Variants in NFIX observed in about 807,000 individuals in gnomAD.
NFIX encodes nuclear factor 1 X-type.
A neutral mutation model predicts 53.3 loss-of-function variants in NFIX; 2 were observed. That is an observed-to-expected ratio of 0.04 (90% CI 0.02 to 0.12). NFIX has a LOEUF of 0.12. NFIX is among the 10% of genes least tolerant of loss of function. The pLI, the probability that NFIX is intolerant of heterozygous loss-of-function variation, is 1.00. For synonymous variants in NFIX, 244 were observed against 289.0 expected (o/e 0.84, Z 1.58); for missense variants, 310 against 674.5 (o/e 0.46, Z 5.99).
In NFIX at chr19:13,051,112, G is replaced by A. The variant is rs192817398; in HGVS notation, c.560-21935G>A. 6.6e-6 allele frequency among the ~76,000 whole-genome samples: 1 copy of A among 152,354 alleles called. No homozygotes were observed. Among genetic ancestry groups the A allele is most frequent in the East Asian group, 1.9e-4 (1 of 5,182 alleles). ...AGGATAGTAGCAGGGGAGCCACGGAGTAGCTGCCCCATGGCTTGGGTACTG... is the reference window on the plus strand; with the variant it reads ...AGGATAGTAGCAGGGGAGCCACGGAATAGCTGCCCCATGGCTTGGGTACTG... On this transcript the variant is annotated intron_variant, in intron 2 of 10. Coordinates refer to ENST00000592199, the MANE Select transcript of NFIX (RefSeq NM_001365902.3). The surrounding 1 kb of genome is among the most constrained non-coding windows in gnomAD (Gnocchi z 5.1).
chr19:12,996,136 C>CGTGTACGTGTGTGT lies in NFIX; in HGVS notation c.27+277_27+290dup, dbSNP rs1256970525. ...TGCCCGTGGAGCGCAGGCGGGAGTG[C>CGTGTACGTGTGTGT]GTGTACGTGTGTGTGTGTGTGTGTG... On this transcript the variant is annotated intron_variant, in intron 1 of 10. Coordinates refer to ENST00000592199, the MANE Select transcript of NFIX (RefSeq NM_001365902.3). This position sits in a 1 kb window ranked among gnomAD's most constrained non-coding sequence, Gnocchi z 5.2. 5.4e-5 allele frequency among the ~76,000 whole-genome samples: 7 copies of CGTGTACGTGTGTGT among 128,938 alleles called. No individual in the cohort carries two copies. The highest frequency in any genetic ancestry group is 4.7e-4 in the Admixed American group (6 of 12,716). The allele number at this position is 128,938 out of a possible 152,430, so 84.6% of individuals were successfully genotyped here.
chr19:13,069,479 GT>G (rs1217130901), intron 2 of NFIX, among the ~76,000 whole-genome samples: 1 of 152,254 alleles, frequency 6.6e-6, no homozygotes, highest in Non-Finnish European at 1.5e-5. Context: ...CTGGCCCATT[GT>G]CCCCAGTGAG....
rs936827390 is a variant in NFIX, at chr19:13,072,992, G to A, written c.560-55G>A. On this transcript the variant is annotated intron_variant, in intron 2 of 10. Coordinates refer to ENST00000592199, the MANE Select transcript of NFIX (RefSeq NM_001365902.3). This position sits in a 1 kb window ranked among gnomAD's most constrained non-coding sequence, Gnocchi z 4.0. ...GGCTGGAGGGGCCAATGCTTGGCTG[G>A]TGCTTATGGGGAACTTTGCTCCTGA... The A allele has an allele frequency of 1.2e-5, 18 of 1,557,994 alleles. No individual in the cohort carries two copies. In the East Asian group the frequency reaches 3.4e-4, roughly 29 times the overall value.
chr19:12,995,567 C>CGCG lies in NFIX; in HGVS notation c.-265_-263dup, dbSNP rs1242779993. On this transcript the variant is annotated 5_prime_UTR_variant, in exon 1 of 11. Coordinates refer to ENST00000592199, the MANE Select transcript of NFIX (RefSeq NM_001365902.3). Reference sequence around the variant, plus strand: ...GAGCGGCGGCGGCATGGAGTAGACGCGCGGCGGCAGCGGCGGCGGCGGCGG... The same window carrying CGCG: ...GAGCGGCGGCGGCATGGAGTAGACGCGCGGCGGCGGCAGCGGCGGCGGCGGCGG... The CGCG allele has an allele frequency of 6.9e-6, 1 of 145,588 alleles. No individual in the cohort carries two copies. The highest frequency in any genetic ancestry group is 6.8e-5 in the Admixed American group (1 of 14,606). The allele number at this position is 145,588 out of a possible 1,614,324, so 9.0% of individuals were successfully genotyped here. A position where few individuals can be genotyped will look rare whatever the true frequency, so the allele number is the denominator to read the frequency against.
chr19:13,025,422 A>G lies in NFIX; in HGVS notation c.429A>G (p.Glu143=). 1 of 1,614,010 alleles carries G rather than the reference A, an allele frequency of 6.2e-7. No homozygotes were observed. The highest frequency in any genetic ancestry group is 8.5e-7 in the Non-Finnish European group (1 of 1,179,906). The change falls in exon 2 of 11, where the codon GAA becomes GAG. Residue 143 remains glutamate, a synonymous_variant. Coordinates refer to ENST00000592199, the MANE Select transcript of NFIX (RefSeq NM_001365902.3). This position sits in a 1 kb window ranked among gnomAD's most constrained non-coding sequence, Gnocchi z 7.5. ...MVILFKGIPL[E]STDGERLYKS... Reference sequence around the variant, plus strand: ...TTTTGTTTAAGGGGATCCCCCTGGAAAGTACTGATGGGGAGCGGCTCTACA... The same window carrying G: ...TTTTGTTTAAGGGGATCCCCCTGGAGAGTACTGATGGGGAGCGGCTCTACA...
At chr19:13,059,774 ATTCTT>A (rs1568302617) in intron 2 of NFIX, among the ~76,000 whole-genome samples, 25 of 123,586 alleles carry the variant, frequency 2.0e-4, no homozygotes, top group African/African-American at 6.3e-4. Context: ...TTTAATTAGA[ATTCTT>A]TTTTTTTTTT....
At chr19:13,024,915 C>A in intron 1 of NFIX, 106 bp from the exon 2 acceptor site, 1 of 1,275,106 alleles carries the variant, frequency 7.8e-7, no homozygotes. Flanking sequence ...TTTCCTTGTG[C>A]CCCCCCTTCT....
chr19:13,023,634 T>C (rs966304272), intron 1 of NFIX, among the ~76,000 whole-genome samples: 12 of 126,518 alleles, frequency 9.5e-5, no homozygotes, highest in African/African-American at 2.8e-4. Context: ...TTTTTTCTTT[T>C]TTTTTTTTTT....
intron 1 of NFIX, among the ~76,000 whole-genome samples, chr19:13,003,420 C>A (rs1219640505): frequency 1.3e-5 from 2 of 152,126 alleles, no homozygotes; most frequent in Non-Finnish European, 2.9e-5. Flanking sequence ...TCAAATGCAG[C>A]CCCACAGGCA....
rs527617776 is a variant in NFIX at position 13,043,839 on chromosome 19, G to A, written c.559+18287G>A. Among the ~76,000 whole-genome samples the A allele has an allele frequency of 5.9e-5, 9 of 152,220 alleles. No individual in the cohort carries two copies. Among genetic ancestry groups the A allele is most frequent in the South Asian group, 2.1e-4 (1 of 4,830 alleles). Reference sequence around the variant, plus strand: ...GCTTATTCATCTCGAAAACTGGGCCGTAGGGCCAGGTGTGGTGGCTCATAC... The same window carrying A: ...GCTTATTCATCTCGAAAACTGGGCCATAGGGCCAGGTGTGGTGGCTCATAC... On this transcript the variant is annotated intron_variant, in intron 2 of 10. Coordinates refer to ENST00000592199, the MANE Select transcript of NFIX (RefSeq NM_001365902.3). The surrounding 1 kb of genome is among the most constrained non-coding windows in gnomAD (Gnocchi z 4.0).
chr19:13,054,202 C>T (rs2015506552), intron 2 of NFIX, among the ~76,000 whole-genome samples: 1 of 152,218 alleles, frequency 6.6e-6, no homozygotes, highest in Non-Finnish European at 1.5e-5. Context: ...GCCACTGGGC[C>T]TTCGGTGGGG....
At position 13,040,202 on chromosome 19, in the gene NFIX, G is replaced by A. The variant is rs1239165102; in HGVS notation, c.559+14650G>A. On this transcript the variant is annotated intron_variant, in intron 2 of 10. Coordinates refer to ENST00000592199, the MANE Select transcript of NFIX (RefSeq NM_001365902.3). This position sits in a 1 kb window ranked among gnomAD's most constrained non-coding sequence, Gnocchi z 4.2. ...CCCTTCCTTCACCCCTGCCCCCGCT[G>A]AGTACCTTGTTACAGGGGCTACTGC... 6.6e-6 allele frequency among the ~76,000 whole-genome samples: 1 copy of A among 152,226 alleles called. No individual in the cohort carries two copies. Among genetic ancestry groups the A allele is most frequent in the African/African-American group, 2.4e-5 (1 of 41,468 alleles).
In NFIX at chr19:13,052,589, A is replaced by C. The variant is rs2015393475; in HGVS notation, c.560-20458A>C. Among the ~76,000 whole-genome samples the C allele has an allele frequency of 6.6e-6, 1 of 152,184 alleles. No individual in the cohort carries two copies. The highest frequency in any genetic ancestry group is 1.5e-5 in the Non-Finnish European group (1 of 68,028). ...GGCACACTCCTGGCTTAGATAAGACAATCCAGATTCTCTCAGAGAAACAGT... is the reference window on the plus strand; with the variant it reads ...GGCACACTCCTGGCTTAGATAAGACCATCCAGATTCTCTCAGAGAAACAGT... On this transcript the variant is annotated intron_variant, in intron 2 of 10. Coordinates refer to ENST00000592199, the MANE Select transcript of NFIX (RefSeq NM_001365902.3). The surrounding 1 kb of genome is among the most constrained non-coding windows in gnomAD (Gnocchi z 5.2).
rs1390223638 is a variant in NFIX at position 13,028,181 on chromosome 19, A to T, written c.559+2629A>T. Among the ~76,000 whole-genome samples, 2 of 152,228 alleles carry T rather than the reference A, an allele frequency of 1.3e-5. No homozygotes were observed. Among genetic ancestry groups the T allele is most frequent in the Admixed American group, 1.3e-4 (2 of 15,290 alleles). ...CACCAAAGAGCATCGATCTGTGGGC[A>T]CCACTTTCTCCATGCCCATGCCTGC... is the stretch of plus-strand genomic sequence containing the variant. On this transcript the variant is annotated intron_variant, in intron 2 of 10. Transcript: ENST00000592199. The surrounding 1 kb of genome is among the most constrained non-coding windows in gnomAD (Gnocchi z 4.2).
rs1042730623 is a variant in NFIX, at chr19:13,002,013, C to T, written c.27+6149C>T. Among the ~76,000 whole-genome samples the T allele has an allele frequency of 1.3e-5, 2 of 152,164 alleles. No homozygotes were observed. The highest frequency in any genetic ancestry group is 4.8e-5 in the African/African-American group (2 of 41,448). On this transcript the variant is annotated intron_variant, in intron 1 of 10. Coordinates refer to ENST00000592199, the MANE Select transcript of NFIX (RefSeq NM_001365902.3). The surrounding 1 kb of genome is among the most constrained non-coding windows in gnomAD (Gnocchi z 6.1). ...GCCCGGCGCACATTGATCTTGGCTT[C>T]TGCCTGTGTCCGTTCTAGCCTGGCC...
intron 2 of NFIX, among the ~76,000 whole-genome samples, chr19:13,056,340 A>AT (rs1267744564): frequency 6.6e-6 from 1 of 152,154 alleles, no homozygotes; most frequent in African/African-American, 2.4e-5. Context: ...TGGGAGGCAG[A>AT]GGAGGGAGTG....
intron 2 of NFIX, among the ~76,000 whole-genome samples, chr19:13,041,585 A>G (rs2014624053): frequency 6.6e-6 from 1 of 152,154 alleles, no homozygotes; most frequent in Non-Finnish European, 1.5e-5. Flanking sequence ...TCACGAGATC[A>G]GGAGTTCAAG....
intron 1 of NFIX, among the ~76,000 whole-genome samples, chr19:13,019,940 CT>C (rs111429504): frequency 1.6e-4 from 23 of 148,176 alleles, no homozygotes; most frequent in South Asian, 4.3e-4. Context: ...CCCCCCTTGT[CT>C]TTTTTTTTTC....
In NFIX at chr19:13,043,926, C is replaced by A. The variant is rs2145281852; in HGVS notation, c.559+18374C>A. Reference sequence around the variant, plus strand: ...GATCATTTGAGCCCAGGAGTTCGAGCCTGGGCCACGTAGCAAGACCCCCAT... The same window carrying A: ...GATCATTTGAGCCCAGGAGTTCGAGACTGGGCCACGTAGCAAGACCCCCAT... On this transcript the variant is annotated intron_variant, in intron 2 of 10. Transcript: ENST00000592199. This position sits in a 1 kb window ranked among gnomAD's most constrained non-coding sequence, Gnocchi z 4.0. Among the ~76,000 whole-genome samples, 1 of 152,136 alleles carries A rather than the reference C, an allele frequency of 6.6e-6. No homozygotes were observed. Among genetic ancestry groups the A allele is most frequent in the East Asian group, 1.9e-4 (1 of 5,172 alleles).
Sources: allele counts gnomAD v4.1 joint callset (sites outside exome capture counted in the v4.1 genomes callset), GRCh38; gene constraint gnomAD v4.1.1; non-coding constraint Gnocchi (gnomAD v3.1); transcripts MANE v1.5; gene names NCBI Gene and HGNC (gene_info 2026-07-23, HGNC 2026-07-21).